Variants in ALK observed in about 807,000 individuals in gnomAD.
ALK encodes the protein ALK tyrosine kinase receptor.
ALK carries 74 observed loss-of-function variants against 163.1 expected under a neutral mutation model. That is an observed-to-expected ratio of 0.45 (90% CI 0.38 to 0.55). ALK has a LOEUF of 0.55. ALK is among the 20% of genes least tolerant of loss of function. The pLI, the probability that ALK is intolerant of heterozygous loss-of-function variation, is 0.00. For synonymous variants in ALK, 960 were observed against 843.2 expected (o/e 1.14, Z -2.40); for missense variants, 2,063 against 2,105.3 (o/e 0.98, Z 0.39).
rs911604983 is a variant in ALK, at chr2:29,762,325, T to C, written c.668-44628A>G. ...TCAAACGAATTGACCTCCACTACAA[T>C]TGACCTTAACATTGTTCAACTGTTT... On this transcript the variant is annotated intron_variant, in intron 1 of 28. Transcript: ENST00000389048. Among the ~76,000 whole-genome samples the C allele has an allele frequency of 5.0e-4, 76 of 152,364 alleles. 1 individual carries two copies. The highest frequency in any genetic ancestry group is 4.8e-3 in the Admixed American group (74 of 15,306).
chr2:29,625,718 C>T (rs979333099), intron 3 of ALK, among the ~76,000 whole-genome samples: 7 of 152,198 alleles, frequency 4.6e-5, no homozygotes, highest in South Asian at 4.1e-4. Flanking sequence ...CCACTTTTTC[C>T]AGCTGTTAAT....
Position 29,796,954 on chromosome 2 carries a change from TTACATACATATA to T in ALK, c.668-79269_668-79258del, listed in dbSNP as rs903873862. Among the ~76,000 whole-genome samples, 15 of 148,218 alleles carry T rather than the reference TTACATACATATA, an allele frequency of 1.0e-4. No individual in the cohort carries two copies. The East Asian group carries it at 1.4e-3, about 14-fold the overall frequency. On this transcript the variant is annotated intron_variant, in intron 1 of 28. Transcript: ENST00000389048. Reference sequence around the variant, plus strand: ...GGCTCAATGACAACAATAACAAAAATTACATACATATATACATACATACATACACATATATGC... The same window carrying T: ...GGCTCAATGACAACAATAACAAAAATTACATACATACATACACATATATGC...
chr2:29,305,379 G>A (rs918793128), intron 8 of ALK, among the ~76,000 whole-genome samples: 7 of 152,110 alleles, frequency 4.6e-5, no homozygotes, highest in African/African-American at 1.7e-4. Context: ...TACCCTCTTG[G>A]ACCTGCAGAT....
chr2:29,580,611 T>G (rs1573472894), intron 3 of ALK, among the ~76,000 whole-genome samples: 1 of 152,154 alleles, frequency 6.6e-6, no homozygotes, highest in Admixed American at 6.5e-5. Flanking sequence ...CACTTTAATT[T>G]GGGATAATAA....
chr2:29,694,877 C>T lies in ALK; in HGVS notation c.925G>A (p.Ala309Thr), dbSNP rs145681577. 1.4e-5 allele frequency: 22 copies of T among 1,613,870 alleles called. No individual in the cohort carries two copies. The African/African-American group carries it at 2.7e-4, about 20-fold the overall frequency. The part of the protein sequence containing the change: ...SQMDLLDGPG[A>T]ERSKEMPRGS... ...CTGGGCATCTCCTTAGAACGCTCTG[C>T]CCCAGGCCCATCCAGCAAGTCCATC... Residue 309 changes from alanine (A) to threonine (T), a missense_variant, in exon 3 of 29, where the codon GCA (alanine) becomes ACA (threonine). Physicochemically the swap from Ala to Thr is moderately conservative, Grantham distance 58. Around this residue, in one of 5 missense-constraint regions of ALK, gnomAD observed 987 missense variants for 939.5 expected, o/e 1.05. Transcript: ENST00000389048.
chr2:29,747,519 T>C (rs1028434018), intron 1 of ALK, among the ~76,000 whole-genome samples: 4 of 152,216 alleles, frequency 2.6e-5, no homozygotes, highest in Non-Finnish European at 5.9e-5. Context: ...AGAGAGGGGC[T>C]GATGTCTCTG....
At chr2:29,879,632 C>A (rs1290613794) in intron 1 of ALK, among the ~76,000 whole-genome samples, 1 of 152,196 alleles carries the variant, frequency 6.6e-6, no homozygotes, top group Admixed American at 6.5e-5. Context: ...ATGGTTCATT[C>A]AGCTTGACTC....
chr2:29,595,389 C>T (rs1309056871), intron 3 of ALK, among the ~76,000 whole-genome samples: 7 of 148,772 alleles, frequency 4.7e-5, no homozygotes, highest in South Asian at 2.1e-4. Context: ...TGCACGATCT[C>T]GGCTCACTGC....
chr2:29,625,811 A>G (rs1029750916), intron 3 of ALK, among the ~76,000 whole-genome samples: 1 of 152,186 alleles, frequency 6.6e-6, no homozygotes, highest in Non-Finnish European at 1.5e-5. Context: ...ACTGAGAGGA[A>G]GTTGACATCA....
At chr2:29,660,680 A>AGG (rs1553342633) in intron 3 of ALK, among the ~76,000 whole-genome samples, 1 of 118,770 alleles carries the variant, frequency 8.4e-6, no homozygotes, top group African/African-American at 2.6e-5. Flanking sequence ...GAGGGGAGAA[A>AGG]GGGGGAAAAA....
In ALK at chr2:29,227,093, G is replaced by C. The variant is rs749399627; in HGVS notation, c.2915-19C>G. The C allele has an allele frequency of 6.2e-7, 1 of 1,613,998 alleles. No homozygotes were observed. The highest frequency in any genetic ancestry group is 1.3e-5 in the African/African-American group (1 of 74,994). ...TCCATCACTAGTGACAAGGAGGGAG[G>C]GTCAGTCTTGGGCCGAGCCTGCCTC... On this transcript the variant is annotated intron_variant, in intron 17 of 28. Transcript: ENST00000389048. This position sits in a 1 kb window ranked among gnomAD's most constrained non-coding sequence, Gnocchi z 4.4.
In ALK at chr2:29,893,801, C is replaced by A. The variant is rs75707007; in HGVS notation, c.667+26192G>T. On this transcript the variant is annotated intron_variant, in intron 1 of 28. Coordinates refer to ENST00000389048, the MANE Select transcript of ALK (RefSeq NM_004304.5). The stretch of plus-strand genomic sequence containing the variant: ...TCAAGAACAGTGGCTCAAGAAGTTT[C>A]TTCTATGGGGAAAAGCATGGAGCTG... Among the ~76,000 whole-genome samples the A allele has an allele frequency of 2.4e-3, 371 of 152,220 alleles. 2 individuals are homozygous for A. The highest frequency in any genetic ancestry group is 4.4e-3 in the Non-Finnish European group (302 of 67,998).
intron 4 of ALK, among the ~76,000 whole-genome samples, chr2:29,413,917 G>A (rs138139733): frequency 0.013 from 1,903 of 152,210 alleles, 33 homozygotes; most frequent in African/African-American, 0.044. Flanking sequence ...CACCCACCTC[G>A]ACCTCCCAAA....
At chr2:29,894,338 C>T (rs972559341) in intron 1 of ALK, among the ~76,000 whole-genome samples, 5 of 152,036 alleles carry the variant, frequency 3.3e-5, no homozygotes, top group African/African-American at 1.2e-4. Flanking sequence ...GTCCTGAGCT[C>T]CTGCTCCACA....
intron 2 of ALK, among the ~76,000 whole-genome samples, chr2:29,716,071 T>C (rs1679245545): frequency 6.6e-6 from 1 of 152,218 alleles, no homozygotes; most frequent in African/African-American, 2.4e-5. Flanking sequence ...AGCTTTTCTA[T>C]AGTGAGTGGA....
At chr2:29,523,130 G>C (rs1672858575) in intron 4 of ALK, among the ~76,000 whole-genome samples, 1 of 152,100 alleles carries the variant, frequency 6.6e-6, no homozygotes, top group African/African-American at 2.4e-5. Flanking sequence ...GGCAGGAGGG[G>C]GAGGAAGAAA....
chr2:29,260,959 T>A (rs1665074764), intron 11 of ALK, among the ~76,000 whole-genome samples: 1 of 152,188 alleles, frequency 6.6e-6, no homozygotes, highest in Non-Finnish European at 1.5e-5. Flanking sequence ...ATTATCCCTT[T>A]CCTACTCAAT....
At position 29,528,235 on chromosome 2, in the gene ALK, G is replaced by A. The variant is rs181416879; in HGVS notation, c.1154+3680C>T. Among the ~76,000 whole-genome samples, 221 of 152,268 alleles carry A rather than the reference G, an allele frequency of 1.5e-3. 1 individual carries two copies. Among genetic ancestry groups the A allele is most frequent in the East Asian group, 1.7e-3 (9 of 5,170 alleles). On this transcript the variant is annotated intron_variant, in intron 4 of 28. Coordinates refer to ENST00000389048, the MANE Select transcript of ALK (RefSeq NM_004304.5). Reference sequence around the variant, plus strand: ...GCTGTGGGAAAAAGTCATGTGCTTCGAAAGGAAACAAGACACGAGGTGGCC... The same window carrying A: ...GCTGTGGGAAAAAGTCATGTGCTTCAAAAGGAAACAAGACACGAGGTGGCC...
intron 3 of ALK, among the ~76,000 whole-genome samples, chr2:29,588,969 TC>T (rs891359961): frequency 1.3e-5 from 2 of 152,158 alleles, no homozygotes; most frequent in Admixed American, 6.5e-5. Context: ...CTCGCTCCCC[TC>T]CGGGGGCTGG....
Sources: gnomAD v4.1 joint callset for allele counts (sites outside exome capture counted in the v4.1 genomes callset) on GRCh38, gnomAD v4.1.1 for gene constraint, gnomAD v4.1.1 regional missense constraint, Gnocchi (gnomAD v3.1) non-coding constraint, MANE v1.5 for transcripts, NCBI Gene and HGNC (gene_info 2026-07-23, HGNC 2026-07-21) for gene names.